The following WDR81 variants were observed in gnomAD, a reference collection of about 807,000 sequenced individuals.
WDR81 encodes WD repeat domain 81, also known as WD repeat-containing protein 81.
WDR81 carries 92 observed loss-of-function variants against 140.8 expected under a neutral mutation model. The observed-to-expected ratio is 0.65, with a 90% CI of 0.55 to 0.78. WDR81 has a LOEUF of 0.78. Among genes scored for constraint, WDR81 ranks in the 30% least tolerant of loss-of-function variants. WDR81 has a pLI of 0.00. For missense variants in WDR81, 2,502 were observed against 2,636.4 expected (o/e 0.95, Z 1.12); for synonymous variants, 1,183 against 1,156.4 (o/e 1.02, Z -0.47).
chr17:1,725,369 G>A lies in WDR81; in HGVS notation c.410G>A (p.Arg137His). 2 of 1,549,394 alleles carry A rather than the reference G, an allele frequency of 1.3e-6. No individual in the cohort carries two copies. Among genetic ancestry groups the A allele is most frequent in the Non-Finnish European group, 1.7e-6 (2 of 1,146,980 alleles). The change falls in exon 1 of 10, where the codon CGC becomes CAC. Residue 137 changes from arginine (R) to histidine (H), a missense_variant. Arg to His is a conservative substitution (Grantham distance 29). Coordinates refer to ENST00000409644, the MANE Select transcript of WDR81 (RefSeq NM_001163809.2). ...TCCTGCGGCCCTGAGACCCTCACTCGCTTCATGCAGGAGGTTGCCGCCCAG... is the reference window on the plus strand; with the variant it reads ...TCCTGCGGCCCTGAGACCCTCACTCACTTCATGCAGGAGGTTGCCGCCCAG... ...DGSCGPETLT[R>H]FMQEVAAQNY...
At chr17:1,737,249 C>T in intron 9 of WDR81, 116 bp from the exon 10 acceptor site, 3 of 1,047,068 alleles carry the variant, frequency 2.9e-6, no homozygotes, top group Non-Finnish European at 4.0e-6. Flanking sequence ...TTGTCACCCA[C>T]CCAGGACGGC....
intron 2 of WDR81, 116 bp downstream of exon 2, chr17:1,730,603 A>G: frequency 7.3e-7 from 1 of 1,370,966 alleles, no homozygotes; most frequent in Non-Finnish European, 9.9e-7. Context: ...CCCCCCGGCC[A>G]GGTGCTGGGT....
Position 1,732,460 on chromosome 17 carries a change from C to A in WDR81, c.4293C>A (p.Val1431=). 6.2e-7 allele frequency: 1 copy of A among 1,612,114 alleles called. No homozygotes were observed. The highest frequency in any genetic ancestry group is 8.5e-7 in the Non-Finnish European group (1 of 1,179,388). ...AGCCCGTGGCCACCTTTTTCCAGGT[C>A]TTCTCTCAGCTGCATGAGCTTCGGC... The part of the protein sequence containing the change: ...LSEPVATFFQ[V]FSQLHELRQQ... The change falls in exon 5 of 10, where the codon GTC becomes GTA. Residue 1431 remains valine (V), a synonymous_variant. Coordinates refer to ENST00000409644, the MANE Select transcript of WDR81 (RefSeq NM_001163809.2).
Position 1,733,870 on chromosome 17 carries a change from C to T in WDR81, c.4833C>T (p.His1611=), listed in dbSNP as rs112699290. Reference sequence around the variant, plus strand: ...AGCAGGAGCTGCCGCGGAGCGTGCACGGGCTGAGCGGAAACTGGCTGGCGT... The same window carrying T: ...AGCAGGAGCTGCCGCGGAGCGTGCATGGGCTGAGCGGAAACTGGCTGGCGT... The part of the protein sequence containing the change: ...ALKQELPRSV[H]GLSGNWLAYW... Residue 1611 remains histidine, a synonymous_variant, in exon 7 of 10, where the codon CAC becomes CAT. Coordinates refer to ENST00000409644, the MANE Select transcript of WDR81 (RefSeq NM_001163809.2). The T allele has an allele frequency of 3.1e-3, 5,070 of 1,612,782 alleles. 136 individuals are homozygous for T. The African/African-American group carries it at 0.057, about 18-fold the overall frequency.
At chr17:1,730,580 C>T in intron 2 of WDR81, 93 bp downstream of exon 2, 11 of 1,429,732 alleles carry the variant, frequency 7.7e-6, no homozygotes, top group Middle Eastern at 1.8e-4. Context: ...CTTCCCACCC[C>T]TCCCTCAAAC....
chr17:1,723,434 TGG>T (rs1914988718), upstream of WDR81, among the ~76,000 whole-genome samples: 3 of 146,700 alleles, frequency 2.0e-5, no homozygotes, highest in Admixed American at 6.8e-5. Context: ...TTTATTTATT[TGG>T]TTTTATTTTT....
Position 1,725,780 on chromosome 17 carries a change from G to A in WDR81, c.821G>A (p.Cys274Tyr). 1 of 1,550,682 alleles carries A rather than the reference G, an allele frequency of 6.4e-7. No homozygotes were observed. ...CGCGTGCTGAGGGCTATGGACGCCT[G>A]TCACCGCCAGGGGCTGGCGTGTGGG... ...LFRVLRAMDA[C>Y]HRQGLACGAL... Residue 274 changes from cysteine (C) to tyrosine (Y), a missense_variant, in exon 1 of 10, where the codon TGT (cysteine) becomes TAT (tyrosine). Physicochemically the swap from Cys to Tyr is radical, Grantham distance 194. This residue lies in a region of WDR81 where 547 missense variants were observed against 513.8 expected (regional missense o/e 1.06). Transcript: ENST00000409644.
rs1197474986 is a variant in WDR81 at position 1,724,727 on chromosome 17, C to G, written c.-233C>G. On this transcript the variant is annotated 5_prime_UTR_variant, in exon 1 of 10. Transcript: ENST00000409644. ...TCAGCTGACCCGTCACGGTGGAGCC[C>G]GGTGCTCGCGCCCGGCAGCCTCTGC... is the stretch of plus-strand genomic sequence containing the variant. 28 of 1,102,150 alleles carry G rather than the reference C, an allele frequency of 2.5e-5. No homozygotes were observed. Among genetic ancestry groups the G allele is most frequent in the Non-Finnish European group, 3.1e-5 (28 of 906,498 alleles). 68.3% of individuals were successfully genotyped at this position (1,102,150 alleles called of 1,614,324 possible).
intron 1 of WDR81, chr17:1,716,751 G>A: frequency 8.5e-7 from 1 of 1,172,904 alleles, no homozygotes. Flanking sequence ...AAACTGACTC[G>A]CCGGCCTCTG....
chr17:1,736,195 G>A lies in WDR81; in HGVS notation c.5482G>A (p.Glu1828Lys), dbSNP rs1457143497. ...GGTTCTGCGAGGCTGGCCAGCCCACGAGGGGGACATTCTGCAGATCAAGGT... is the reference window on the plus strand; with the variant it reads ...GGTTCTGCGAGGCTGGCCAGCCCACAAGGGGGACATTCTGCAGATCAAGGT... The part of the protein sequence containing the change: ...GLVLRGWPAH[E>K]GDILQIKAVE... The change falls in exon 9 of 10, where the codon GAG becomes AAG. Residue 1828 changes from glutamate (E) to lysine (K), a missense_variant. Around this residue, in one of 3 missense-constraint regions of WDR81, gnomAD observed 1,737 missense variants for 1,843.0 expected, o/e 0.94. Coordinates refer to ENST00000409644, the MANE Select transcript of WDR81 (RefSeq NM_001163809.2). 1.3e-6 allele frequency: 2 copies of A among 1,598,624 alleles called. No individual in the cohort carries two copies. The highest frequency in any genetic ancestry group is 1.7e-5 in the Admixed American group (1 of 59,918).
At position 1,735,944 on chromosome 17, in the gene WDR81, G is replaced by A. The variant is rs1904824098; in HGVS notation, c.5326-95G>A. 8 of 1,494,232 alleles carry A rather than the reference G, an allele frequency of 5.4e-6. No homozygotes were observed. The South Asian group carries it at 7.9e-5, about 15-fold the overall frequency. The allele number at this position is 1,494,232 out of a possible 1,614,324, so 92.6% of individuals were successfully genotyped here. A position where few individuals can be genotyped will look rare whatever the true frequency, so the allele number is the denominator to read the frequency against. ...CCCCCTGATGAGGGTCAGAGGCTCAGGCCTTCCTGCTGTGTGGGCTTGGGT... is the reference window on the plus strand; with the variant it reads ...CCCCCTGATGAGGGTCAGAGGCTCAAGCCTTCCTGCTGTGTGGGCTTGGGT... On this transcript the variant is annotated intron_variant, in intron 8 of 9. Coordinates refer to ENST00000409644, the MANE Select transcript of WDR81 (RefSeq NM_001163809.2). This position sits in a 1 kb window ranked among gnomAD's most constrained non-coding sequence, Gnocchi z 4.2.
chr17:1,727,318 G>A lies in WDR81; in HGVS notation c.2359G>A (p.Val787Met). The A allele has an allele frequency of 6.5e-7, 1 of 1,549,946 alleles. No individual in the cohort carries two copies. Among genetic ancestry groups the A allele is most frequent in the Non-Finnish European group, 8.7e-7 (1 of 1,146,990 alleles). Residue 787 changes from valine to methionine, a missense_variant, in exon 1 of 10, where the codon GTG becomes ATG. Physicochemically the swap from Val to Met is conservative, Grantham distance 21. Transcript: ENST00000409644. ...GGCAGAGATGGTGTTTGCCACCAGGGTGCGGACGCTGCAGCCCGATGCACC... is the reference window on the plus strand; with the variant it reads ...GGCAGAGATGGTGTTTGCCACCAGGATGCGGACGCTGCAGCCCGATGCACC... ...LLAEMVFATRVRTLQPDAPLW... is the reference protein window; with the variant it reads ...LLAEMVFATRMRTLQPDAPLW...
Position 1,732,451 on chromosome 17 carries a change from T to A in WDR81, c.4284T>A (p.Phe1428Leu). Residue 1428 changes from phenylalanine to leucine, a missense_variant, in exon 5 of 10, where the codon TTT becomes TTA. This residue lies in a region of WDR81 where 1,737 missense variants were observed against 1,843.0 expected (regional missense o/e 0.94). Transcript: ENST00000409644. Reference protein sequence around the residue: ...QQHLSEPVATFFQVFSQLHEL... With the variant: ...QQHLSEPVATLFQVFSQLHEL... ...ACCTGAGCGAGCCCGTGGCCACCTT[T>A]TTCCAGGTCTTCTCTCAGCTGCATG... 6.2e-7 allele frequency: 1 copy of A among 1,613,462 alleles called. No individual in the cohort carries two copies. The highest frequency in any genetic ancestry group is 8.5e-7 in the Non-Finnish European group (1 of 1,179,994).
Position 1,730,451 on chromosome 17 carries a change from C to G in WDR81, c.3739C>G (p.Arg1247Gly), listed in dbSNP as rs769860994. Residue 1247 changes from arginine to glycine, a missense_variant, in exon 2 of 10, where the codon CGG becomes GGG. Transcript: ENST00000409644. ...CACAGTGGCCTCTCGCCACGTGGCC[C>G]GGAACCTGCTCCGCCTGCTGACGTC... The part of the protein sequence containing the change: ...GPTVASRHVA[R>G]NLLRLLTSCY... 6.2e-7 allele frequency: 1 copy of G among 1,613,312 alleles called. No homozygotes were observed. The highest frequency in any genetic ancestry group is 1.1e-5 in the South Asian group (1 of 91,046).
chr17:1,728,300 C>T lies in WDR81; in HGVS notation c.3341C>T (p.Thr1114Ile). 1 of 1,612,812 alleles carries T rather than the reference C, an allele frequency of 6.2e-7. No homozygotes were observed. Among genetic ancestry groups the T allele is most frequent in the Non-Finnish European group, 8.5e-7 (1 of 1,180,002 alleles). The change falls in exon 1 of 10, where the codon ACC (threonine) becomes ATC (isoleucine). Residue 1114 changes from threonine (T) to isoleucine (I), a missense_variant. Transcript: ENST00000409644. ...GGCCGGCTGAGTGACAAGAGCAGCA[C>T]CAGCGAGACCTCCCTGGGTGAGGAG... Reference protein sequence around the residue: ...SLGRLSDKSSTSETSLGEERA... With the variant: ...SLGRLSDKSSISETSLGEERA...
upstream of WDR81, among the ~76,000 whole-genome samples, chr17:1,722,191 A>G (rs1337862217): frequency 6.6e-6 from 1 of 152,212 alleles, no homozygotes; most frequent in Non-Finnish European, 1.5e-5. Flanking sequence ...AATGCTTAAC[A>G]GATGACTAGC....
intron 1 of WDR81, among the ~76,000 whole-genome samples, chr17:1,719,630 G>A (rs979229962): frequency 7.2e-5 from 11 of 151,838 alleles, no homozygotes; most frequent in African/African-American, 1.2e-4. Context: ...TTGGGAGGCC[G>A]AAGCAGGTGG....
upstream of WDR81, among the ~76,000 whole-genome samples, chr17:1,722,902 C>A (rs1431046771): frequency 6.6e-6 from 1 of 151,012 alleles, no homozygotes; most frequent in Non-Finnish European, 1.5e-5. Flanking sequence ...CCCAAGTTGG[C>A]CGGGCTGGTC....
At chr17:1,721,220 G>A (rs535465277), upstream of WDR81, among the ~76,000 whole-genome samples, 13 of 152,126 alleles carry the variant, frequency 8.5e-5, no homozygotes, top group Non-Finnish European at 1.0e-4. Flanking sequence ...TTAGCTAGGC[G>A]TGGTAGCAGG....
Sources: allele counts gnomAD v4.1 joint callset (sites outside exome capture counted in the v4.1 genomes callset), GRCh38; gene constraint gnomAD v4.1.1; regional missense constraint gnomAD v4.1.1; non-coding constraint Gnocchi (gnomAD v3.1); transcripts MANE v1.5; gene names NCBI Gene and HGNC (gene_info 2026-07-23, HGNC 2026-07-21).